The following TNKS variants were observed in gnomAD, a reference collection of about 807,000 sequenced individuals.
The protein encoded by TNKS is tankyrase, also known as poly [ADP-ribose] polymerase tankyrase-1.
Under a neutral mutation model 135.8 loss-of-function variants are expected in TNKS, and 72 were observed. That is an observed-to-expected ratio of 0.53 (90% CI 0.44 to 0.64). TNKS has a LOEUF of 0.64. TNKS is among the 30% of genes least tolerant of loss of function. The pLI is 0.00. For synonymous variants in TNKS, 849 were observed against 649.3 expected (o/e 1.31, Z -4.68); for missense variants, 1,769 against 1,674.0 (o/e 1.06, Z -0.99).
At chr8:9,651,584 T>C (rs1046389628) in intron 3 of TNKS, among the ~76,000 whole-genome samples, 3 of 152,188 alleles carry the variant, frequency 2.0e-5, no homozygotes, top group Non-Finnish European at 4.4e-5. Context: ...CAGTTCCAGA[T>C]TGGATACTCT....
chr8:9,766,643 G>A (rs535253417), intron 25 of TNKS, among the ~76,000 whole-genome samples: 33 of 152,066 alleles, frequency 2.2e-4, no homozygotes, highest in Admixed American at 6.5e-4. Context: ...CTGCCACCAC[G>A]CCCAGCAAAT....
chr8:9,602,200 A>G (rs1199707241), intron 2 of TNKS, among the ~76,000 whole-genome samples: 3 of 152,228 alleles, frequency 2.0e-5, no homozygotes, highest in Non-Finnish European at 2.9e-5. Context: ...GAGCCTGACT[A>G]CTTAGGCTGT....
chr8:9,685,828 A>G (rs1173353774), intron 5 of TNKS, among the ~76,000 whole-genome samples: 1 of 152,194 alleles, frequency 6.6e-6, no homozygotes, highest in Non-Finnish European at 1.5e-5. Context: ...ATGGAATTCC[A>G]TAAACCCCAT....
intron 26 of TNKS, among the ~76,000 whole-genome samples, chr8:9,773,476 C>T (rs976698267): frequency 6.6e-6 from 1 of 152,050 alleles, no homozygotes; most frequent in South Asian, 2.1e-4. Context: ...ATGGTTATCA[C>T]TGGGCATTAA....
chr8:9,582,102 A>T (rs922498272), intron 2 of TNKS, among the ~76,000 whole-genome samples: 5 of 152,224 alleles, frequency 3.3e-5, no homozygotes, highest in African/African-American at 1.2e-4. Flanking sequence ...TATCATAGTT[A>T]TTATGGGAGT....
At chr8:9,710,290 C>A (rs921903808) in intron 11 of TNKS, 70 bp downstream of exon 11, 6 of 1,428,106 alleles carry the variant, frequency 4.2e-6, no homozygotes, top group Non-Finnish European at 5.9e-6. Flanking sequence ...CACTGCTTCT[C>A]TCTCTCCGAT....
rs182324929 is a variant in TNKS, at chr8:9,623,748, T to C, written c.994+8071T>C. The stretch of plus-strand genomic sequence containing the variant: ...TGGGTGCTGTGGCTCATGCCTGTAA[T>C]CTCAGCACTTTGGGAGGCCAAGGCA... On this transcript the variant is annotated intron_variant, in intron 3 of 26. Transcript: ENST00000310430. Among the ~76,000 whole-genome samples, 47 of 152,214 alleles carry C rather than the reference T, an allele frequency of 3.1e-4. No homozygotes were observed. In the East Asian group the frequency reaches 7.5e-3, roughly 24 times the overall value.
At chr8:9,769,973 C>A in intron 25 of TNKS, 133 bp from the exon 26 acceptor site, 1 of 741,686 alleles carries the variant, frequency 1.3e-6, no homozygotes, top group Non-Finnish European at 2.1e-6. Flanking sequence ...CCCATTCCTA[C>A]TCATAAATCT....
rs1804161471 is a variant in TNKS, at chr8:9,708,483, AACAGCACTGG to A, written c.1570_1578+1del. ...ATTTCAAACAACCGCAGTCTCATGA[AACAGCACTGG>A]TAAGATTTTATTGTTAATCTATTCC... On this transcript the variant is annotated splice_donor_variant and coding_sequence_variant, in exon 9 of 27. Transcript: ENST00000310430. LOFTEE classifies it high-confidence loss of function. 6.2e-7 allele frequency: 1 copy of A among 1,601,598 alleles called. No homozygotes were observed. Among genetic ancestry groups the A allele is most frequent in the Non-Finnish European group, 8.5e-7 (1 of 1,174,366 alleles).
intron 20 of TNKS, among the ~76,000 whole-genome samples, chr8:9,754,795 A>C (rs980373430): frequency 4.6e-5 from 7 of 152,140 alleles, no homozygotes; most frequent in African/African-American, 1.7e-4. Flanking sequence ...CTTTGCGTCT[A>C]ATGGTTAGGA....
intron 3 of TNKS, among the ~76,000 whole-genome samples, chr8:9,663,343 A>T (rs912780647): frequency 2.0e-5 from 3 of 152,210 alleles, no homozygotes; most frequent in Non-Finnish European, 4.4e-5. Context: ...GGATTAAGTG[A>T]GTTTATTCAA....
At chr8:9,740,771 A>G (rs1805902299) in intron 17 of TNKS, 1 of 151,000 alleles carries the variant, frequency 6.6e-6, no homozygotes, top group African/African-American at 2.4e-5. Context: ...AAGACTTAGC[A>G]TGCTAAATAT....
chr8:9,652,567 G>GAA (rs1437038076), intron 3 of TNKS, among the ~76,000 whole-genome samples: 15 of 152,140 alleles, frequency 9.9e-5, no homozygotes, highest in East Asian at 5.8e-4. Flanking sequence ...AAAGTTAGTG[G>GAA]AGTGTGGAGA....
intron 3 of TNKS, among the ~76,000 whole-genome samples, chr8:9,653,369 T>C (rs764267655): frequency 6.6e-6 from 1 of 152,072 alleles, no homozygotes; most frequent in Non-Finnish European, 1.5e-5. Flanking sequence ...CTTCTATTGC[T>C]ATAAGTGAAT....
At chr8:9,717,606 T>G (rs1476467411) in intron 11 of TNKS, among the ~76,000 whole-genome samples, 1 of 152,130 alleles carries the variant, frequency 6.6e-6, no homozygotes, top group South Asian at 2.1e-4. Context: ...TATTAGTTTG[T>G]TGCTCTTGTG....
chr8:9,735,117 T>G, intron 16 of TNKS, 33 bp downstream of exon 16: 1 of 1,594,402 alleles, frequency 6.3e-7, no homozygotes, highest in Non-Finnish European at 8.5e-7. Flanking sequence ...AGCCTCCTTT[T>G]CCTTTCTCGG....
At position 9,589,913 on chromosome 8, in the gene TNKS, A is replaced by G. The variant is rs1798529619; in HGVS notation, c.898+9530A>G. ...ACAAACTCTTCTGAATTAATTCTAT[A>G]TGCATATACTGCCACCCAACACGTC... On this transcript the variant is annotated intron_variant, in intron 2 of 26. Coordinates refer to ENST00000310430, the MANE Select transcript of TNKS (RefSeq NM_003747.3). 3.3e-5 allele frequency among the ~76,000 whole-genome samples: 5 copies of G among 152,316 alleles called. No individual in the cohort carries two copies. In the South Asian group the frequency reaches 1.0e-3, roughly 32 times the overall value.
intron 11 of TNKS, among the ~76,000 whole-genome samples, chr8:9,711,114 G>C (rs1022893318): frequency 1.3e-5 from 2 of 152,128 alleles, no homozygotes; most frequent in Non-Finnish European, 2.9e-5. Context: ...TTTCAAAGCA[G>C]TTGTCTCCAA....
chr8:9,723,538 C>T (rs773040982), intron 12 of TNKS, among the ~76,000 whole-genome samples: 11 of 152,146 alleles, frequency 7.2e-5, no homozygotes, highest in Non-Finnish European at 1.5e-4. Context: ...TCAAAACTAA[C>T]ATCAATGTAA....
Sources: gnomAD v4.1 joint callset for allele counts (sites outside exome capture counted in the v4.1 genomes callset) on GRCh38, gnomAD v4.1.1 for gene constraint, MANE v1.5 for transcripts, NCBI Gene and HGNC (gene_info 2026-07-23, HGNC 2026-07-21) for gene names.